The following NUMA1 variants were observed in gnomAD, a reference collection of about 807,000 sequenced individuals.
NUMA1 encodes SP-H antigen.
A neutral mutation model predicts 237.1 loss-of-function variants in NUMA1; 62 were observed. The ratio of observed to expected loss-of-function variants is 0.26; its 90% confidence interval spans 0.21 to 0.32. NUMA1 has a LOEUF of 0.32. NUMA1 is among the 10% of genes least tolerant of loss of function. NUMA1 has a pLI of 1.00. For synonymous variants in NUMA1, 1,028 were observed against 1,066.1 expected, an observed-to-expected ratio of 0.96 and a Z score of 0.70; for missense variants, 2,533 against 2,666.5, an observed-to-expected ratio of 0.95 and a Z score of 1.10.
In NUMA1 at chr11:72,018,819, C is replaced by T; in HGVS notation, c.742+4G>A. On this transcript the variant is annotated splice_donor_region_variant and intron_variant, in intron 10 of 26. Coordinates refer to ENST00000393695, the MANE Select transcript of NUMA1 (RefSeq NM_006185.4). Reference sequence around the variant, plus strand: ...ACACATCTGCCAGTGTGCCAGCCACCTACCCTTCTCGGTGAGGAGCTTGCG... The same window carrying T: ...ACACATCTGCCAGTGTGCCAGCCACTTACCCTTCTCGGTGAGGAGCTTGCG... The T allele has an allele frequency of 6.2e-7, 1 of 1,607,722 alleles. No individual in the cohort carries two copies. The highest frequency in any genetic ancestry group is 2.2e-5 in the East Asian group (1 of 44,850).
intron 2 of NUMA1, among the ~76,000 whole-genome samples, chr11:72,058,947 T>C (rs1443525326): frequency 6.6e-6 from 1 of 152,188 alleles, no homozygotes; most frequent in Non-Finnish European, 1.5e-5. Flanking sequence ...TCCAAACAAT[T>C]GGAAAGGAGA....
intron 24 of NUMA1, 58 bp from the exon 25 acceptor site, chr11:72,004,399 G>GTGAGGACAGTTAGGCAGACA: frequency 6.7e-7 from 1 of 1,495,952 alleles, no homozygotes; most frequent in Non-Finnish European, 9.3e-7. Context: ...TCTGAAGCCA[G>GTGAGGACAGTTAGGCAGACA]GTGTCTTGTC....
chr11:72,022,386 T>C lies in NUMA1; in HGVS notation c.325A>G (p.Ser109Gly). 3.7e-6 allele frequency: 6 copies of C among 1,613,838 alleles called. No individual in the cohort carries two copies. Among genetic ancestry groups the C allele is most frequent in the Non-Finnish European group, 5.1e-6 (6 of 1,179,852 alleles). Reference sequence around the variant, plus strand: ...TCCCAGTCCCTGGGACTTTTGGAGCTCATGGTAGAGTGGTATAAGAGCAGC... The same window carrying C: ...TCCCAGTCCCTGGGACTTTTGGAGCCCATGGTAGAGTGGTATAAGAGCAGC... ...TMLLLYHSTM[S>G]SKSPRDWEQF... Residue 109 changes from serine (S) to glycine (G), a missense_variant, in exon 7 of 27, where the codon AGC becomes GGC. Ser to Gly is a moderately conservative substitution (Grantham distance 56). Around this residue, in one of 3 missense-constraint regions of NUMA1, gnomAD observed 1,414 missense variants for 1,508.1 expected, o/e 0.94. Transcript: ENST00000393695.
intron 4 of NUMA1, among the ~76,000 whole-genome samples, chr11:72,025,459 T>C (rs10898814): frequency 0.89 from 134,958 of 152,064 alleles, 60,159 homozygotes; most frequent in Non-Finnish European, 0.95. Context: ...TCTGGGAGGC[T>C]TTTGCCATCT....
intron 4 of NUMA1, among the ~76,000 whole-genome samples, chr11:72,028,220 A>T (rs1434354227): frequency 6.6e-6 from 1 of 152,188 alleles, no homozygotes; most frequent in Non-Finnish European, 1.5e-5. Flanking sequence ...ATCCTAAGCT[A>T]GGTAGGGAGG....
At chr11:72,008,660 G>C (rs1369742373) in intron 20 of NUMA1, 28 bp downstream of exon 20, 2 of 1,612,052 alleles carry the variant, frequency 1.2e-6, no homozygotes, top group African/African-American at 2.7e-5. Flanking sequence ...TCCATAAACA[G>C]ACATAGGGAG....
chr11:72,009,269 T>A lies in NUMA1; in HGVS notation c.4838A>T (p.Gln1613Leu). Residue 1613 changes from glutamine (Q) to leucine (L), a missense_variant and splice_region_variant, in exon 18 of 27, where the codon CAG becomes CTG. Physicochemically the swap from Gln to Leu is moderately radical, Grantham distance 113. This residue lies in a region of NUMA1 where 795 missense variants were observed against 750.8 expected (regional missense o/e 1.06). Coordinates refer to ENST00000393695, the MANE Select transcript of NUMA1 (RefSeq NM_006185.4). The stretch of plus-strand genomic sequence containing the variant: ...ATGGGCTGGGGCTGGGCTCCTTACC[T>A]GCAGCTTATAGTGCTCAGCTGCCTG... ...KEQAAEHYKL[Q>L]MEKAKTHYDA... 1 of 1,612,662 alleles carries A rather than the reference T, an allele frequency of 6.2e-7. No homozygotes were observed. The highest frequency in any genetic ancestry group is 8.5e-7 in the Non-Finnish European group (1 of 1,179,754).
At chr11:72,017,660 G>A (rs199593510) in intron 13 of NUMA1, 27 bp downstream of exon 13, 2 of 1,611,652 alleles carry the variant, frequency 1.2e-6, no homozygotes, top group Admixed American at 3.3e-5. Context: ...GGTCAAGACT[G>A]TGGCTGTGAC....
At position 72,013,308 on chromosome 11, in the gene NUMA1, G is replaced by C; in HGVS notation, c.4195C>G (p.Leu1399Val). 1 of 1,605,056 alleles carries C rather than the reference G, an allele frequency of 6.2e-7. No individual in the cohort carries two copies. Among genetic ancestry groups the C allele is most frequent in the Non-Finnish European group, 8.5e-7 (1 of 1,179,772 alleles). Residue 1399 changes from leucine (L) to valine (V), a missense_variant, in exon 15 of 27, where the codon CTG (leucine) becomes GTG (valine). Physicochemically the swap from Leu to Val is conservative, Grantham distance 32. Around this residue, in one of 3 missense-constraint regions of NUMA1, gnomAD observed 324 missense variants for 407.6 expected, o/e 0.79. Transcript: ENST00000393695. This position sits in a 1 kb window ranked among gnomAD's most constrained non-coding sequence, Gnocchi z 6.8. ...KQAAGGLRAELLRAQRELGEL... is the reference protein window; with the variant it reads ...KQAAGGLRAEVLRAQRELGEL... Reference sequence around the variant, plus strand: ...CCAAGCTCCCGCTGGGCCCGCAGCAGCTCTGCCCGCAGTCCCCCAGCGGCC... The same window carrying C: ...CCAAGCTCCCGCTGGGCCCGCAGCACCTCTGCCCGCAGTCCCCCAGCGGCC...
At chr11:72,049,992 C>T (rs1942249818) in intron 2 of NUMA1, among the ~76,000 whole-genome samples, 1 of 151,964 alleles carries the variant, frequency 6.6e-6, no homozygotes, top group South Asian at 2.1e-4. Context: ...CTCCTAGAAA[C>T]AGGCACATTG....
At chr11:72,032,243 G>A (rs898761034) in intron 3 of NUMA1, among the ~76,000 whole-genome samples, 6 of 152,112 alleles carry the variant, frequency 3.9e-5, no homozygotes, top group East Asian at 1.9e-4. Context: ...ACTTATTGAC[G>A]TCTTAAAGAG....
At position 72,015,115 on chromosome 11, in the gene NUMA1, C is replaced by G. The variant is rs753937378; in HGVS notation, c.2388G>C (p.Gln796His). Residue 796 changes from glutamine (Q) to histidine (H), a missense_variant, in exon 15 of 27, where the codon CAG becomes CAC. Physicochemically the swap from Gln to His is conservative, Grantham distance 24 (BLOSUM62 0). Transcript: ENST00000393695. The surrounding 1 kb of genome is among the most constrained non-coding windows in gnomAD (Gnocchi z 4.0). ...RRELAEAMAAQHTAESECEQL... is the reference protein window; with the variant it reads ...RRELAEAMAAHHTAESECEQL... ...GCTCACACTCACTCTCAGCTGTGTG[C>G]TGGGCAGCCATGGCCTCTGCCAGCT... 11 of 1,613,556 alleles carry G rather than the reference C, an allele frequency of 6.8e-6. No individual in the cohort carries two copies. The East Asian group carries it at 2.2e-4, about 33-fold the overall frequency.
chr11:72,033,217 C>T (rs1324858422), intron 3 of NUMA1, among the ~76,000 whole-genome samples: 1 of 152,084 alleles, frequency 6.6e-6, no homozygotes, highest in African/African-American at 2.4e-5. Context: ...CAGCTATTTA[C>T]AGATGCAATC....
chr11:72,016,449 G>C lies in NUMA1; in HGVS notation c.1201C>G (p.Pro401Ala), dbSNP rs760710866. ...EEHLSQLQDN[P>A]PQEKGEVLGD... ...AGCACCTCGCCCTTCTCCTGGGGTG[G>C]GTTATCCTGCAGCTGGGACAAGTGT... The change falls in exon 14 of 27, where the codon CCA becomes GCA. Residue 401 changes from proline (P) to alanine (A), a missense_variant. Coordinates refer to ENST00000393695, the MANE Select transcript of NUMA1 (RefSeq NM_006185.4). 6.2e-7 allele frequency: 1 copy of C among 1,614,094 alleles called. No individual in the cohort carries two copies. The highest frequency in any genetic ancestry group is 8.5e-7 in the Non-Finnish European group (1 of 1,180,040).
At chr11:72,055,823 A>C (rs939396471) in intron 2 of NUMA1, among the ~76,000 whole-genome samples, 1 of 151,790 alleles carries the variant, frequency 6.6e-6, no homozygotes, top group South Asian at 2.1e-4. Context: ...TCTCAAAAAA[A>C]AAAAAAATTC....
At chr11:72,031,573 C>G (rs979889825) in intron 3 of NUMA1, among the ~76,000 whole-genome samples, 2 of 151,952 alleles carry the variant, frequency 1.3e-5, no homozygotes, top group Non-Finnish European at 2.9e-5. Flanking sequence ...GGTGGAAGGA[C>G]TGCTTGAGGC....
rs541686055 is a variant in NUMA1 at position 72,072,755 on chromosome 11, T to G, written c.-102-2844A>C. Among the ~76,000 whole-genome samples the G allele has an allele frequency of 5.3e-5, 8 of 152,298 alleles. No individual in the cohort carries two copies. In the South Asian group the frequency reaches 1.7e-3, roughly 32 times the overall value. On this transcript the variant is annotated intron_variant, in intron 1 of 26. Coordinates refer to ENST00000393695, the MANE Select transcript of NUMA1 (RefSeq NM_006185.4). ...TCCTCCTCCAATTTGCCAGAGGAAT[T>G]GTCAAAACTATTCCCCTGGCCAGGC...
Position 72,014,856 on chromosome 11 carries a change from T to C in NUMA1, c.2647A>G (p.Arg883Gly). ...ELAELHANLA[R>G]ALQQVQEKEV... ...TTCTCTTGGACCTGCTGGAGTGCTC[T>C]GGCCAGGTTGGCATGGAGCTCAGCT... is the stretch of plus-strand genomic sequence containing the variant. Residue 883 changes from arginine (R) to glycine (G), a missense_variant, in exon 15 of 27, where the codon AGA becomes GGA. Physicochemically the swap from Arg to Gly is moderately radical, Grantham distance 125 (BLOSUM62 -2). Around this residue, in one of 3 missense-constraint regions of NUMA1, gnomAD observed 1,414 missense variants for 1,508.1 expected, o/e 0.94. Transcript: ENST00000393695. The surrounding 1 kb of genome is among the most constrained non-coding windows in gnomAD (Gnocchi z 4.6). The C allele has an allele frequency of 1.4e-5, 22 of 1,614,268 alleles. No individual in the cohort carries two copies. Among genetic ancestry groups the C allele is most frequent in the Non-Finnish European group, 1.9e-5 (22 of 1,180,046 alleles).
intron 4 of NUMA1, among the ~76,000 whole-genome samples, chr11:72,028,411 A>T (rs762381358): frequency 2.8e-5 from 4 of 142,244 alleles, no homozygotes; most frequent in Non-Finnish European, 6.0e-5. Context: ...ACTTCAGTCT[A>T]TCCTTGGCCT....
Sources: gnomAD v4.1 joint callset for allele counts (sites outside exome capture counted in the v4.1 genomes callset) on GRCh38, gnomAD v4.1.1 for gene constraint, gnomAD v4.1.1 regional missense constraint, Gnocchi (gnomAD v3.1) non-coding constraint, MANE v1.5 for transcripts, NCBI Gene and HGNC (gene_info 2026-07-23, HGNC 2026-07-21) for gene names.